LSMEM1: variants seen among roughly 807,000 people sequenced by gnomAD.
LSMEM1 encodes the protein leucine-rich single-pass membrane protein 1.
In LSMEM1, 10 loss-of-function variants were observed where a neutral mutation model predicts 11.3. That is an observed-to-expected ratio of 0.89 (90% CI 0.55 to 1.50). The LOEUF is 1.50. Among genes scored for constraint, LSMEM1 ranks in the 40% most tolerant of loss-of-function variants. The probability of loss-of-function intolerance (pLI) is 0.00; values close to 1 mark genes in which losing one functional copy is unlikely to be tolerated. For synonymous variants in LSMEM1, 65 were observed against 59.3 expected (o/e 1.10, Z -0.44); for missense variants, 151 against 152.9 (o/e 0.99, Z 0.06).
At chr7:112,480,979 G>A, upstream of LSMEM1, 1 of 440,680 alleles carries the variant, frequency 2.3e-6, no homozygotes, top group East Asian at 7.1e-5. Flanking sequence ...GCCAGATAAG[G>A]ACGGTAACTT....
At chr7:112,487,132 C>T in intron 3 of LSMEM1, 81 bp downstream of exon 3, 4 of 1,492,692 alleles carry the variant, frequency 2.7e-6, no homozygotes, top group Admixed American at 3.8e-5. Context: ...ACAAAGTTTG[C>T]ACCCTCCAGT....
intron 3 of LSMEM1, among the ~76,000 whole-genome samples, chr7:112,488,887 G>A (rs1026302946): frequency 2.0e-5 from 3 of 152,160 alleles, no homozygotes; most frequent in African/African-American, 7.2e-5. Flanking sequence ...GTGAGCCACC[G>A]TGCCCAGCCA....
chr7:112,488,088 A>G lies in LSMEM1; in HGVS notation c.256+1037A>G, dbSNP rs111882195. 2.7e-3 allele frequency among the ~76,000 whole-genome samples: 405 copies of G among 152,214 alleles called. 2 individuals are homozygous for G. The highest frequency in any genetic ancestry group is 8.9e-3 in the African/African-American group (369 of 41,530). ...CTCCCCCAAAGACTCCTCCCTCCTT[A>G]CAGCTTGAAGGTCTTTATCTAGCCT... is the stretch of plus-strand genomic sequence containing the variant. On this transcript the variant is annotated intron_variant, in intron 3 of 3. Transcript: ENST00000312849.
intron 2 of LSMEM1, among the ~76,000 whole-genome samples, chr7:112,485,238 G>A (rs1028634706): frequency 2.6e-5 from 4 of 152,148 alleles, no homozygotes; most frequent in African/African-American, 9.7e-5. Context: ...TGGACTCCTG[G>A]AGGCTGGCTC....
At chr7:112,484,994 T>C in intron 2 of LSMEM1, 51 bp downstream of exon 2, 1 of 1,450,886 alleles carries the variant, frequency 6.9e-7, no homozygotes, top group Non-Finnish European at 9.3e-7. Context: ...CTAGGCTACC[T>C]AAAAATAGCC....
intron 2 of LSMEM1, among the ~76,000 whole-genome samples, chr7:112,485,273 A>G (rs1796107416): frequency 6.6e-6 from 1 of 152,142 alleles, no homozygotes. Context: ...GACCATGGCT[A>G]GGTTACCGAT....
chr7:112,483,396 C>A (rs1370711181), intron 1 of LSMEM1: 1 of 152,102 alleles, frequency 6.6e-6, no homozygotes, highest in Non-Finnish European at 1.5e-5. Context: ...AGATTTAAAT[C>A]CTAAATAAAC....
intron 3 of LSMEM1, among the ~76,000 whole-genome samples, chr7:112,488,627 A>T (rs1233809881): frequency 1.3e-4 from 6 of 46,370 alleles, no homozygotes; most frequent in East Asian, 1.3e-3. Flanking sequence ...TTAAGATGAA[A>T]TCTCACTGTT....
intron 1 of LSMEM1, among the ~76,000 whole-genome samples, chr7:112,483,774 C>T (rs2117362607): frequency 6.6e-6 from 1 of 152,216 alleles, no homozygotes; most frequent in East Asian, 1.9e-4. Context: ...GGGCATTTAC[C>T]TCGCCGAGCT....
At chr7:112,487,190 C>A (rs2117371197) in intron 3 of LSMEM1, 139 bp downstream of exon 3, 1 of 813,144 alleles carries the variant, frequency 1.2e-6, no homozygotes, top group Non-Finnish European at 1.8e-6. Flanking sequence ...GAAGGAATGC[C>A]TTGAGTGAAC....
At position 112,490,960 on chromosome 7, in the gene LSMEM1, C is replaced by A. The variant is rs1236719911; in HGVS notation, c.*1011C>A. 1 of 152,142 alleles carries A rather than the reference C, an allele frequency of 6.6e-6. No individual in the cohort carries two copies. Among genetic ancestry groups the A allele is most frequent in the Non-Finnish European group, 1.5e-5 (1 of 68,022 alleles). The allele number at this position is 152,142 out of a possible 1,614,324, so 9.4% of individuals were successfully genotyped here. A position where few individuals can be genotyped will look rare whatever the true frequency, so the allele number is the denominator to read the frequency against. The stretch of plus-strand genomic sequence containing the variant: ...GTCAATTGAAGAATGTATTATGATT[C>A]TATCATTTTGGATTGATCAAAAACA... On this transcript the variant is annotated 3_prime_UTR_variant, in exon 4 of 4. Coordinates refer to ENST00000312849, the MANE Select transcript of LSMEM1 (RefSeq NM_182597.3).
upstream of LSMEM1, among the ~76,000 whole-genome samples, chr7:112,480,585 T>C (rs1266678614): frequency 6.6e-6 from 1 of 152,206 alleles, no homozygotes; most frequent in Non-Finnish European, 1.5e-5. Flanking sequence ...TTGGCATGTA[T>C]GTGAGGGAAC....
intron 3 of LSMEM1, among the ~76,000 whole-genome samples, chr7:112,487,568 TCC>T (rs999989125): frequency 2.1e-4 from 32 of 152,366 alleles, no homozygotes; most frequent in African/African-American, 7.5e-4. Flanking sequence ...TTTGATCCTG[TCC>T]AGGCAACCTA....
chr7:112,485,249 A>G (rs1796106985), intron 2 of LSMEM1, among the ~76,000 whole-genome samples: 1 of 152,176 alleles, frequency 6.6e-6, no homozygotes. Context: ...AGGCTGGCTC[A>G]TCCCTCTCCT....
At chr7:112,480,809 A>G (rs1251580985), upstream of LSMEM1, 1 of 456,138 alleles carries the variant, frequency 2.2e-6, no homozygotes, top group Non-Finnish European at 4.4e-6. Context: ...TGATGTCATA[A>G]TCATATTCTG....
chr7:112,485,014 T>G, intron 2 of LSMEM1, 71 bp downstream of exon 2: 9 of 1,380,662 alleles, frequency 6.5e-6, no homozygotes, highest in East Asian at 2.8e-5. Flanking sequence ...CACTGCTGAC[T>G]GGATGTGTGG....
At chr7:112,489,752 G>T in intron 3 of LSMEM1, 58 bp from the exon 4 acceptor site, 1 of 1,559,856 alleles carries the variant, frequency 6.4e-7, no homozygotes, top group South Asian at 1.2e-5. Flanking sequence ...GGGATCTGAT[G>T]AATTTCAGTG....
chr7:112,480,853 A>C (rs1354876987), upstream of LSMEM1: 3 of 456,200 alleles, frequency 6.6e-6, no homozygotes, highest in Admixed American at 7.0e-5. Context: ...GTTTGTCTGG[A>C]GTGTTTGCAA....
At chr7:112,486,781 A>C in intron 2 of LSMEM1, 142 bp from the exon 3 acceptor site, 1 of 1,205,592 alleles carries the variant, frequency 8.3e-7, no homozygotes, top group Non-Finnish European at 1.1e-6. Flanking sequence ...GTCTCAAAAA[A>C]AAAGAGTCAC....
Sources: allele counts gnomAD v4.1 joint callset (sites outside exome capture counted in the v4.1 genomes callset), GRCh38; gene constraint gnomAD v4.1.1; transcripts MANE v1.5; gene names NCBI Gene and HGNC (gene_info 2026-07-23, HGNC 2026-07-21).